Variants in NR2F1-AS1 observed in about 807,000 individuals in gnomAD.
NR2F1-AS1 encodes NR2F1 regulatory antisense RNA 1.
chr5:93,555,298 T>C (rs1462213199), intron 2 of NR2F1-AS1, among the ~76,000 whole-genome samples: 3 of 152,174 alleles, frequency 2.0e-5, no homozygotes. Context: ...TTATAGAAAG[T>C]ACTACAGATA....
intron 4 of NR2F1-AS1, among the ~76,000 whole-genome samples, chr5:93,447,409 C>T (rs1470247678): frequency 6.6e-6 from 1 of 152,222 alleles, no homozygotes; most frequent in East Asian, 1.9e-4. Context: ...GGAACAGACA[C>T]TTCTCAAAAG....
intron 1 of NR2F1-AS1, chr5:93,569,833 T>C (rs538721557): frequency 1.8e-4 from 28 of 152,348 alleles, no homozygotes; most frequent in Admixed American, 1.3e-3. Flanking sequence ...TCCAATCAAA[T>C]GAAGTCATTT....
chr5:93,561,709 G>A (rs1262635379), intron 2 of NR2F1-AS1, among the ~76,000 whole-genome samples: 2 of 151,920 alleles, frequency 1.3e-5, no homozygotes, highest in Non-Finnish European at 2.9e-5. Context: ...AGAGGTCAAG[G>A]CTGCAGTGAG....
chr5:93,555,357 G>C (rs1473196482), intron 2 of NR2F1-AS1, among the ~76,000 whole-genome samples: 1 of 152,210 alleles, frequency 6.6e-6, no homozygotes, highest in East Asian at 1.9e-4. Flanking sequence ...CTGCTGGACA[G>C]AGAGACAAGT....
intron 2 of NR2F1-AS1, among the ~76,000 whole-genome samples, chr5:93,559,436 G>T (rs1338791948): frequency 6.6e-6 from 1 of 152,058 alleles, no homozygotes; most frequent in East Asian, 1.9e-4. Context: ...AGACTGTTTT[G>T]CTTTTTTGTT....
intron 3 of NR2F1-AS1, among the ~76,000 whole-genome samples, chr5:93,554,521 A>G (rs1335012808): frequency 2.0e-5 from 3 of 152,206 alleles, no homozygotes; most frequent in Non-Finnish European, 4.4e-5. Context: ...TATTACTGGA[A>G]GACATTGTTT....
At chr5:93,501,903 C>CG (rs1751088542) in intron 4 of NR2F1-AS1, among the ~76,000 whole-genome samples, 1 of 152,094 alleles carries the variant, frequency 6.6e-6, no homozygotes, top group Non-Finnish European at 1.5e-5. Flanking sequence ...GGGCAAACTT[C>CG]ATTGTTGTCT....
chr5:93,501,053 T>C (rs146235706), intron 4 of NR2F1-AS1, among the ~76,000 whole-genome samples: 100 of 152,282 alleles, frequency 6.6e-4, no homozygotes, highest in African/African-American at 2.1e-3. Flanking sequence ...AAAACATCCA[T>C]GTTTCATAAA....
chr5:93,484,535 T>C (rs1750674442), intron 4 of NR2F1-AS1, among the ~76,000 whole-genome samples: 1 of 152,078 alleles, frequency 6.6e-6, no homozygotes, highest in Admixed American at 6.6e-5. Flanking sequence ...ATGAAGAAAC[T>C]GCATCAACTA....
At chr5:93,520,305 C>G (rs1364286342) in intron 4 of NR2F1-AS1, among the ~76,000 whole-genome samples, 2 of 151,980 alleles carry the variant, frequency 1.3e-5, no homozygotes, top group African/African-American at 4.8e-5. Flanking sequence ...TGAACACTTC[C>G]ATATTGTGCT....
intron 4 of NR2F1-AS1, among the ~76,000 whole-genome samples, chr5:93,443,298 T>G (rs993811761): frequency 1.3e-5 from 2 of 152,036 alleles, no homozygotes; most frequent in Non-Finnish European, 2.9e-5. Context: ...CTAAAAACCT[T>G]GAAAAACGAT....
intron 4 of NR2F1-AS1, among the ~76,000 whole-genome samples, chr5:93,491,255 C>T (rs929334322): frequency 2.0e-5 from 2 of 101,196 alleles, no homozygotes; most frequent in African/African-American, 7.7e-5. Context: ...TAGTGGTGGT[C>T]GTGGTGGTGG....
At chr5:93,441,857 A>C (rs1749577943) in intron 4 of NR2F1-AS1, among the ~76,000 whole-genome samples, 2 of 152,312 alleles carry the variant, frequency 1.3e-5, no homozygotes, top group Admixed American at 6.5e-5. Flanking sequence ...ATTCTCCCTA[A>C]GAAGTTAGCA....
intron 4 of NR2F1-AS1, among the ~76,000 whole-genome samples, chr5:93,480,396 C>G (rs1175874888): frequency 6.6e-6 from 1 of 151,986 alleles, no homozygotes; most frequent in African/African-American, 2.4e-5. Context: ...AAAATGCCAA[C>G]AAGGAATTTA....
At chr5:93,503,042 C>A (rs904096179) in intron 4 of NR2F1-AS1, among the ~76,000 whole-genome samples, 24 of 151,990 alleles carry the variant, frequency 1.6e-4, no homozygotes, top group African/African-American at 4.8e-4. Flanking sequence ...CTAGACTTCA[C>A]CAAATTTACC....
intron 1 of NR2F1-AS1, among the ~76,000 whole-genome samples, chr5:93,569,109 C>A (rs556181463): frequency 7.9e-5 from 12 of 152,248 alleles, no homozygotes; most frequent in African/African-American, 2.9e-4. Context: ...GAGGTACACA[C>A]GCACCCACAC....
chr5:93,519,352 T>C (rs1207751293), intron 4 of NR2F1-AS1, among the ~76,000 whole-genome samples: 1 of 152,012 alleles, frequency 6.6e-6, no homozygotes, highest in Non-Finnish European at 1.5e-5. Context: ...TTTATATGCA[T>C]ATGTATTTAA....
intron 4 of NR2F1-AS1, among the ~76,000 whole-genome samples, chr5:93,440,271 C>A (rs900326789): frequency 6.6e-6 from 1 of 151,838 alleles, no homozygotes; most frequent in African/African-American, 2.4e-5. Flanking sequence ...CTTGACTGGG[C>A]CATGGGGTGC....
chr5:93,543,245 CA>C (rs1174801651), intron 4 of NR2F1-AS1: 1 of 152,114 alleles, frequency 6.6e-6, no homozygotes, highest in African/African-American at 2.4e-5. Flanking sequence ...GCAACATGGG[CA>C]AAAACATGCA....
Sources: allele counts gnomAD v4.1 joint callset (sites outside exome capture counted in the v4.1 genomes callset), GRCh38; gene constraint gnomAD v4.1.1; transcripts MANE v1.5; gene names NCBI Gene and HGNC (gene_info 2026-07-23, HGNC 2026-07-21).